NOTCH2NLC: variants seen among roughly 807,000 people sequenced by gnomAD.
NOTCH2NLC encodes the protein notch 2 N-terminal like C.
A neutral mutation model predicts 17.7 loss-of-function variants in NOTCH2NLC; 4 were observed. The ratio of observed to expected loss-of-function variants is 0.23; its 90% confidence interval spans 0.11 to 0.52. NOTCH2NLC has a LOEUF of 0.52. NOTCH2NLC is among the 20% of genes least tolerant of loss of function. The probability of loss-of-function intolerance (pLI) is 0.96; values close to 1 mark genes in which losing one functional copy is unlikely to be tolerated. For synonymous variants in NOTCH2NLC, 18 were observed against 86.0 expected (o/e 0.21, Z 4.38); for missense variants, 57 against 207.2 (o/e 0.28, Z 4.45).
At chr1:149,419,036 CTCCTT>C (rs1354638661) in intron 1 of NOTCH2NLC, among the ~76,000 whole-genome samples, 1 of 148,860 alleles carries the variant, frequency 6.7e-6, no homozygotes, top group African/African-American at 2.5e-5. Context: ...CTTCCTCTCT[CTCCTT>C]TCTTTTTTTC....
chr1:149,429,755 A>G (rs2084433389), intron 1 of NOTCH2NLC, among the ~76,000 whole-genome samples: 1 of 151,208 alleles, frequency 6.6e-6, no homozygotes, highest in South Asian at 2.1e-4. Flanking sequence ...TTTCGTGGCC[A>G]GGGATGGCCA....
At chr1:149,450,243 C>T (rs2084583881) in intron 2 of NOTCH2NLC, among the ~76,000 whole-genome samples, 2 of 144,478 alleles carry the variant, frequency 1.4e-5, no homozygotes, top group South Asian at 2.2e-4. Context: ...AGTAATTTCA[C>T]TTAACAAATG....
At chr1:149,436,822 C>T (rs2084485454) in intron 2 of NOTCH2NLC, among the ~76,000 whole-genome samples, 1 of 135,270 alleles carries the variant, frequency 7.4e-6, no homozygotes, top group Admixed American at 7.5e-5. Flanking sequence ...AGAAGCTTGG[C>T]CAGTTTTCCA....
chr1:149,468,972 T>C lies in NOTCH2NLC; in HGVS notation c.*4819T>C, dbSNP rs1403657239. Among the ~76,000 whole-genome samples, 2 of 125,638 alleles carry C rather than the reference T, an allele frequency of 1.6e-5. No individual in the cohort carries two copies. Among genetic ancestry groups the C allele is most frequent in the Non-Finnish European group, 3.4e-5 (2 of 58,398 alleles). 82.4% of individuals were successfully genotyped at this position (125,638 alleles called of 152,430 possible). ...TCTTTTCTTTTCTTTTTTTTTTTTT[T>C]TTTTTTTTTTGAGACGGAGCATCGC... On this transcript the variant is annotated 3_prime_UTR_variant, in exon 5 of 5. Coordinates refer to ENST00000650865, the MANE Select transcript of NOTCH2NLC (RefSeq NM_001364013.2).
At position 149,390,664 on chromosome 1, in the gene NOTCH2NLC, G is replaced by C. The variant is rs2084152273; in HGVS notation, c.-124G>C. 3 of 1,220,510 alleles carry C rather than the reference G, an allele frequency of 2.5e-6. No homozygotes were observed. Among genetic ancestry groups the C allele is most frequent in the African/African-American group, 1.6e-5 (1 of 61,432 alleles). The allele number at this position is 1,220,510 out of a possible 1,614,324, so 75.6% of individuals were successfully genotyped here. On this transcript the variant is annotated 5_prime_UTR_variant, in exon 1 of 5. Coordinates refer to ENST00000650865, the MANE Select transcript of NOTCH2NLC (RefSeq NM_001364013.2). ...CTGAGGCGGCGGCCGAGGAGCGGCG[G>C]ACTCGGGGCGCGGGGAGTCGAGGCA...
intron 3 of NOTCH2NLC, among the ~76,000 whole-genome samples, chr1:149,460,333 CTTT>C (rs1226789458): frequency 1.1e-5 from 1 of 92,898 alleles, no homozygotes; most frequent in Non-Finnish European, 2.1e-5. Context: ...TTCTGATCAC[CTTT>C]TTTTTTTTTT....
At chr1:149,412,275 C>T (rs1288810591) in intron 1 of NOTCH2NLC, among the ~76,000 whole-genome samples, 1 of 147,204 alleles carries the variant, frequency 6.8e-6, no homozygotes, top group East Asian at 2.1e-4. Context: ...TCTCCAACAG[C>T]ACTTTGGGGG....
At chr1:149,413,370 G>T (rs1380502955) in intron 1 of NOTCH2NLC, among the ~76,000 whole-genome samples, 4 of 151,176 alleles carry the variant, frequency 2.6e-5, no homozygotes, top group African/African-American at 9.7e-5. Context: ...CCTGAAAAGG[G>T]AAGTTGAATC....
chr1:149,440,480 GTAAAA>G (rs1213129791), intron 2 of NOTCH2NLC, among the ~76,000 whole-genome samples: 8 of 55,760 alleles, frequency 1.4e-4, no homozygotes, highest in African/African-American at 6.0e-4. Context: ...ACAGAGATGT[GTAAAA>G]TAAAACAGTT....
At chr1:149,415,904 T>G (rs1358321614) in intron 1 of NOTCH2NLC, among the ~76,000 whole-genome samples, 1 of 150,776 alleles carries the variant, frequency 6.6e-6, no homozygotes, top group Admixed American at 6.6e-5. Context: ...ATAATTTATT[T>G]ATAGGGTATA....
chr1:149,449,192 T>G (rs2084574981), intron 2 of NOTCH2NLC, among the ~76,000 whole-genome samples: 1 of 150,996 alleles, frequency 6.6e-6, no homozygotes, highest in African/African-American at 2.4e-5. Flanking sequence ...AGCTGTAAAA[T>G]CTTAATCTTT....
intron 1 of NOTCH2NLC, among the ~76,000 whole-genome samples, chr1:149,400,132 A>ATATATATATATATATATATAT (rs1464101913): frequency 8.0e-6 from 1 of 125,064 alleles, no homozygotes; most frequent in Non-Finnish European, 1.7e-5. Context: ...ATATATATAT[A>ATATATATATATATATATATAT]ATATATATTT....
intron 1 of NOTCH2NLC, among the ~76,000 whole-genome samples, chr1:149,418,840 T>G (rs1221417089): frequency 2.7e-5 from 4 of 147,604 alleles, no homozygotes; most frequent in Admixed American, 2.7e-4. Context: ...TGTCTTCTGG[T>G]GGAATTCCCT....
At chr1:149,454,565 T>C (rs1396509775) in intron 2 of NOTCH2NLC, among the ~76,000 whole-genome samples, 1 of 150,460 alleles carries the variant, frequency 6.6e-6, no homozygotes, top group Non-Finnish European at 1.5e-5. Context: ...TCCTTCACTT[T>C]GGTGTTTATA....
intron 3 of NOTCH2NLC, among the ~76,000 whole-genome samples, chr1:149,463,215 A>G (rs2084661654): frequency 6.7e-6 from 1 of 149,816 alleles, no homozygotes; most frequent in Non-Finnish European, 1.5e-5. Context: ...TATTGCTGAT[A>G]GCGTCCTGCA....
At position 149,412,965 on chromosome 1, in the gene NOTCH2NLC, T is replaced by G. The variant is rs1262741821; in HGVS notation, c.136-17977T>G. ...TGTCACCCAGACTGGAGGGCAGTGG[T>G]GCGATGTTGGCTTACCACAACCTCC... On this transcript the variant is annotated intron_variant, in intron 1 of 4. Transcript: ENST00000650865. Among the ~76,000 whole-genome samples, 410 of 123,250 alleles carry G rather than the reference T, an allele frequency of 3.3e-3. 5 individuals carry two copies. The highest frequency in any genetic ancestry group is 0.012 in the African/African-American group (399 of 32,526). The allele number at this position is 123,250 out of a possible 152,430, so 80.9% of individuals were successfully genotyped here.
At chr1:149,407,222 G>A (rs2084276528) in intron 1 of NOTCH2NLC, among the ~76,000 whole-genome samples, 1 of 147,204 alleles carries the variant, frequency 6.8e-6, no homozygotes, top group Non-Finnish European at 1.5e-5. Context: ...AATGTTAGAA[G>A]CAGTTGGTTT....
At chr1:149,398,921 G>T (rs1312103254) in intron 1 of NOTCH2NLC, among the ~76,000 whole-genome samples, 1 of 152,150 alleles carries the variant, frequency 6.6e-6, no homozygotes, top group East Asian at 1.9e-4. Flanking sequence ...GGATCTATGG[G>T]TGTTGCAGAA....
chr1:149,417,289 C>T (rs1391595528), intron 1 of NOTCH2NLC, among the ~76,000 whole-genome samples: 2 of 149,842 alleles, frequency 1.3e-5, no homozygotes, highest in Non-Finnish European at 3.0e-5. Context: ...TTTGTATTTT[C>T]AGTAGAGACG....
Sources: gnomAD v4.1 joint callset for allele counts (sites outside exome capture counted in the v4.1 genomes callset) on GRCh38, gnomAD v4.1.1 for gene constraint, MANE v1.5 for transcripts, NCBI Gene and HGNC (gene_info 2026-07-23, HGNC 2026-07-21) for gene names.